UNC5D: variants seen among roughly 807,000 people sequenced by gnomAD.
The protein encoded by UNC5D is netrin receptor UNC5D.
UNC5D carries 39 observed loss-of-function variants against 105.4 expected under a neutral mutation model. The observed-to-expected ratio is 0.37, with a 90% CI of 0.29 to 0.48. The LOEUF is 0.48. Ranked by LOEUF, UNC5D falls within the 20% of genes least tolerant of loss-of-function variation. UNC5D has a pLI of 0.98. For missense variants in UNC5D, 991 were observed against 1,202.4 expected (o/e 0.82, Z 2.60); for synonymous variants, 452 against 450.4 (o/e 1.00, Z -0.04).
chr8:35,654,317 C>T (rs969637754), intron 4 of UNC5D, among the ~76,000 whole-genome samples: 3 of 152,134 alleles, frequency 2.0e-5, no homozygotes, highest in Admixed American at 6.5e-5. Flanking sequence ...GTTTTCCCTG[C>T]TCCACTTTCA....
intron 16 of UNC5D, among the ~76,000 whole-genome samples, chr8:35,787,933 C>T (rs1000786745): frequency 2.0e-4 from 30 of 152,110 alleles, no homozygotes; most frequent in African/African-American, 7.0e-4. Flanking sequence ...CCTTCAACTA[C>T]TTAAGCAAGA....
chr8:35,358,248 A>G (rs1214329196), intron 1 of UNC5D, among the ~76,000 whole-genome samples: 1 of 152,172 alleles, frequency 6.6e-6, no homozygotes, highest in Non-Finnish European at 1.5e-5. Flanking sequence ...GAATCAACCC[A>G]AATGCCCATC....
At chr8:35,704,401 A>C (rs1827404217) in intron 7 of UNC5D, among the ~76,000 whole-genome samples, 1 of 152,208 alleles carries the variant, frequency 6.6e-6, no homozygotes, top group African/African-American at 2.4e-5. Flanking sequence ...AGCTGTGTTG[A>C]TCTGCGTGGG....
At chr8:35,351,572 C>A (rs924964801) in intron 1 of UNC5D, among the ~76,000 whole-genome samples, 1 of 151,958 alleles carries the variant, frequency 6.6e-6, no homozygotes, top group Non-Finnish European at 1.5e-5. Context: ...AGTATAGACC[C>A]AAACAACTGT....
intron 1 of UNC5D, among the ~76,000 whole-genome samples, chr8:35,413,528 G>A (rs1030477501): frequency 4.0e-5 from 6 of 151,472 alleles, no homozygotes; most frequent in African/African-American, 1.2e-4. Context: ...CTGCTGACAG[G>A]CATTTATTAA....
intron 4 of UNC5D, among the ~76,000 whole-genome samples, chr8:35,642,677 G>C (rs1822815254): frequency 6.6e-6 from 1 of 151,960 alleles, no homozygotes; most frequent in Non-Finnish European, 1.5e-5. Context: ...TTCCTAGCTG[G>C]GTTCCTGGCT....
At chr8:35,366,777 T>G (rs1419962055) in intron 1 of UNC5D, among the ~76,000 whole-genome samples, 1 of 152,124 alleles carries the variant, frequency 6.6e-6, no homozygotes, top group Non-Finnish European at 1.5e-5. Flanking sequence ...GGAAAACAGT[T>G]TAAAAAATCA....
intron 1 of UNC5D, among the ~76,000 whole-genome samples, chr8:35,352,231 A>G (rs1297561069): frequency 6.6e-6 from 1 of 152,082 alleles, no homozygotes; most frequent in East Asian, 1.9e-4. Flanking sequence ...ATGTTAAATA[A>G]TCAGGTTCAA....
At chr8:35,337,484 A>G (rs1811132418) in intron 1 of UNC5D, among the ~76,000 whole-genome samples, 1 of 152,182 alleles carries the variant, frequency 6.6e-6, no homozygotes, top group South Asian at 2.1e-4. Context: ...TATTCAGTGG[A>G]TCTGTCCAGG....
At chr8:35,773,932 G>A (rs373470370) in intron 15 of UNC5D, among the ~76,000 whole-genome samples, 16 of 151,976 alleles carry the variant, frequency 1.1e-4, no homozygotes, top group East Asian at 3.9e-4. Context: ...CCCTGTTGGC[G>A]AGGCTGGTCT....
At chr8:35,480,188 A>G (rs577058822) in intron 1 of UNC5D, among the ~76,000 whole-genome samples, 1 of 152,262 alleles carries the variant, frequency 6.6e-6, no homozygotes, top group South Asian at 2.1e-4. Context: ...AAATTCCCCT[A>G]TATTTACTCT....
chr8:35,467,572 C>CAAA (rs769649743), intron 1 of UNC5D, among the ~76,000 whole-genome samples: 128 of 42,344 alleles, frequency 3.0e-3, no homozygotes, highest in African/African-American at 4.3e-3. Flanking sequence ...CTATGACAGG[C>CAAA]AAAAAAAAAA....
rs1820931753 is a variant in UNC5D, at chr8:35,615,033, GGGGCCCCCCCCCCCC to G, written c.570+19377_570+19391del. ...AAGACCAGCCTGGGCAACATAGTGA[GGGGCCCCCCCCCCCC>G]CGTCCCCCACCCCCCGATCTCCACA... On this transcript the variant is annotated intron_variant, in intron 4 of 16. Transcript: ENST00000404895. 7.1e-4 allele frequency among the ~76,000 whole-genome samples: 34 copies of G among 47,952 alleles called. 2 individuals carry two copies. In the South Asian group the frequency reaches 0.014, roughly 20 times the overall value. 31.5% of individuals were successfully genotyped at this position (47,952 alleles called of 152,430 possible). A position where few individuals can be genotyped will look rare whatever the true frequency, so the allele number is the denominator to read the frequency against.
At chr8:35,726,774 A>G (rs1828903743) in intron 10 of UNC5D, 2 of 572,990 alleles carry the variant, frequency 3.5e-6, no homozygotes, top group Admixed American at 3.1e-5. Flanking sequence ...GCTGATAACT[A>G]TATTTGCCTG....
intron 10 of UNC5D, among the ~76,000 whole-genome samples, chr8:35,728,071 TA>T (rs71215643): frequency 2.9e-3 from 117 of 41,026 alleles, no homozygotes; most frequent in South Asian, 9.3e-3. Context: ...TTGCTGTCTC[TA>T]AAAAAAAAAA....
intron 1 of UNC5D, among the ~76,000 whole-genome samples, chr8:35,344,804 C>T (rs1476627503): frequency 6.6e-6 from 1 of 151,940 alleles, no homozygotes; most frequent in African/African-American, 2.4e-5. Context: ...ATGAGGTGAA[C>T]ATCATTTTTG....
At chr8:35,651,333 C>T (rs1430825046) in intron 4 of UNC5D, among the ~76,000 whole-genome samples, 1 of 151,628 alleles carries the variant, frequency 6.6e-6, no homozygotes, top group East Asian at 1.9e-4. Context: ...AGCTAAGAGT[C>T]AACATAAAAG....
chr8:35,726,259 G>C lies in UNC5D; in HGVS notation c.1411G>C (p.Glu471Gln). 6.2e-7 allele frequency: 1 copy of C among 1,614,142 alleles called. No individual in the cohort carries two copies. The highest frequency in any genetic ancestry group is 8.5e-7 in the Non-Finnish European group (1 of 1,180,014). ...QDPLDKELMT[E>Q]SSLFNPLSDI... ...CCCTCTGGACAAGGAGCTCATGACA[G>C]AGTCCTCACTCTTTAACCCTTTGTC... The change falls in exon 10 of 17, where the codon GAG becomes CAG. Residue 471 changes from glutamate to glutamine, a missense_variant. Physicochemically the swap from Glu to Gln is conservative, Grantham distance 29. Around this residue, in one of 3 missense-constraint regions of UNC5D, gnomAD observed 944 missense variants for 1,131.6 expected, o/e 0.83. Transcript: ENST00000404895.
At chr8:35,704,862 A>G (rs1036117349) in intron 7 of UNC5D, among the ~76,000 whole-genome samples, 5 of 152,012 alleles carry the variant, frequency 3.3e-5, no homozygotes, top group African/African-American at 1.2e-4. Flanking sequence ...GATTATTTTA[A>G]TGATGGGAGA....
Sources: allele counts gnomAD v4.1 joint callset (sites outside exome capture counted in the v4.1 genomes callset), GRCh38; gene constraint gnomAD v4.1.1; regional missense constraint gnomAD v4.1.1; transcripts MANE v1.5; gene names NCBI Gene and HGNC (gene_info 2026-07-23, HGNC 2026-07-21).